KCNH8: variants seen among roughly 807,000 people sequenced by gnomAD.
KCNH8 encodes the protein potassium voltage-gated channel subfamily H member 8.
A neutral mutation model predicts 103.6 loss-of-function variants in KCNH8; 70 were observed. The ratio of observed to expected loss-of-function variants is 0.68; its 90% confidence interval spans 0.56 to 0.82. KCNH8 has a LOEUF of 0.82. KCNH8 is among the 40% of genes least tolerant of loss of function. KCNH8 has a pLI of 0.00. For synonymous variants in KCNH8, 498 were observed against 489.4 expected, an observed-to-expected ratio of 1.02 and a Z score of -0.23; for missense variants, 1,217 against 1,329.9, an observed-to-expected ratio of 0.92 and a Z score of 1.32.
chr3:19,507,592 T>C (rs1338687209), intron 11 of KCNH8, among the ~76,000 whole-genome samples: 1 of 152,102 alleles, frequency 6.6e-6, no homozygotes, highest in Non-Finnish European at 1.5e-5. Context: ...GAGTTCCTGC[T>C]CAGAGAACTG....
intron 15 of KCNH8, among the ~76,000 whole-genome samples, chr3:19,526,167 G>C (rs904110999): frequency 1.3e-5 from 2 of 151,800 alleles, no homozygotes; most frequent in South Asian, 2.1e-4. Flanking sequence ...GTACCCCTTA[G>C]GAAAATTGTG....
chr3:19,349,635 C>A (rs2065773030), intron 5 of KCNH8, among the ~76,000 whole-genome samples: 1 of 152,036 alleles, frequency 6.6e-6, no homozygotes. Flanking sequence ...CATTCTTTGG[C>A]CTTAGAAGCC....
At chr3:19,226,600 C>T (rs2063934666) in intron 1 of KCNH8, among the ~76,000 whole-genome samples, 2 of 150,022 alleles carry the variant, frequency 1.3e-5, no homozygotes, top group Admixed American at 1.3e-4. Flanking sequence ...CTCTCTCTCT[C>T]TGTCACACAC....
intron 5 of KCNH8, among the ~76,000 whole-genome samples, chr3:19,362,071 A>G (rs1015143612): frequency 2.6e-5 from 4 of 152,158 alleles, no homozygotes; most frequent in Non-Finnish European, 4.4e-5. Flanking sequence ...CTCACTGTTC[A>G]ATCAATAATG....
chr3:19,313,036 C>CA (rs1553636280), intron 3 of KCNH8, among the ~76,000 whole-genome samples: 2 of 116,016 alleles, frequency 1.7e-5, no homozygotes, highest in East Asian at 2.2e-4. Flanking sequence ...TTGGCTTTCA[C>CA]GGGATGTCTT....
intron 11 of KCNH8, among the ~76,000 whole-genome samples, chr3:19,474,224 C>A (rs1312268790): frequency 6.6e-6 from 1 of 152,072 alleles, no homozygotes; most frequent in African/African-American, 2.4e-5. Context: ...TGCAAAATCC[C>A]AGGATAAACA....
chr3:19,160,923 G>T (rs2063227648), intron 1 of KCNH8, among the ~76,000 whole-genome samples: 1 of 152,136 alleles, frequency 6.6e-6, no homozygotes, highest in African/African-American at 2.4e-5. Flanking sequence ...CAAGAGTGGT[G>T]ATGCTAGTGA....
intron 3 of KCNH8, among the ~76,000 whole-genome samples, chr3:19,316,433 T>G (rs191666358): frequency 6.6e-6 from 1 of 152,048 alleles, no homozygotes; most frequent in Non-Finnish European, 1.5e-5. Context: ...GATTAAGGAA[T>G]AGAAGCAGGA....
intron 2 of KCNH8, among the ~76,000 whole-genome samples, chr3:19,273,582 G>C (rs933170630): frequency 6.6e-6 from 1 of 152,168 alleles, no homozygotes; most frequent in Non-Finnish European, 1.5e-5. Context: ...ATGGTATACA[G>C]ATCACCATTT....
chr3:19,195,133 G>C (rs749178093), intron 1 of KCNH8, among the ~76,000 whole-genome samples: 2 of 151,678 alleles, frequency 1.3e-5, no homozygotes, highest in African/African-American at 2.4e-5. Flanking sequence ...AGGAACACTT[G>C]AAAAAAACCT....
Position 19,456,957 on chromosome 3 carries a change from A to T in KCNH8, c.2015A>T (p.Asn672Ile). The T allele has an allele frequency of 6.2e-7, 1 of 1,611,610 alleles. No homozygotes were observed. Among genetic ancestry groups the T allele is most frequent in the Non-Finnish European group, 8.5e-7 (1 of 1,178,404 alleles). The change falls in exon 11 of 16, where the codon AAC becomes ATC. Residue 672 changes from asparagine (N) to isoleucine (I), a missense_variant. This residue lies in a region of KCNH8 where 415 missense variants were observed against 577.4 expected (regional missense o/e 0.72). Transcript: ENST00000328405. ...VEDIQHDLTY[N>I]LREGHESDVI... ...GACATTCAGCATGACCTCACATACA[A>T]CCTCCGAGAAGGTCATGAGAGTGAT... is the stretch of plus-strand genomic sequence containing the variant.
chr3:19,244,205 C>T (rs1388185006), intron 1 of KCNH8, among the ~76,000 whole-genome samples: 1 of 152,164 alleles, frequency 6.6e-6, no homozygotes, highest in African/African-American at 2.4e-5. Flanking sequence ...TTCACCTTTC[C>T]TTTTCCTCTG....
At chr3:19,421,418 T>C (rs2066949537) in intron 7 of KCNH8, among the ~76,000 whole-genome samples, 1 of 152,164 alleles carries the variant, frequency 6.6e-6, no homozygotes, top group Admixed American at 6.5e-5. Context: ...ATTAGAATGA[T>C]AGCAACCTGT....
chr3:19,488,598 T>G (rs140664552), intron 11 of KCNH8, among the ~76,000 whole-genome samples: 1 of 152,204 alleles, frequency 6.6e-6, no homozygotes, highest in East Asian at 1.9e-4. Context: ...CTCTCCCCTT[T>G]TTCTTGGATG....
intron 1 of KCNH8, among the ~76,000 whole-genome samples, chr3:19,153,169 C>A (rs1278131634): frequency 6.6e-6 from 1 of 152,092 alleles, no homozygotes; most frequent in South Asian, 2.1e-4. Flanking sequence ...CTGATAACTT[C>A]ACTACAATGA....
intron 11 of KCNH8, among the ~76,000 whole-genome samples, chr3:19,497,682 G>A (rs988388590): frequency 6.6e-6 from 1 of 152,174 alleles, no homozygotes; most frequent in Non-Finnish European, 1.5e-5. Context: ...TTTAGAATAT[G>A]TGCCATGTGG....
intron 1 of KCNH8, among the ~76,000 whole-genome samples, chr3:19,165,582 T>C (rs2063275392): frequency 6.6e-6 from 1 of 152,244 alleles, no homozygotes; most frequent in Non-Finnish European, 1.5e-5. Flanking sequence ...TTGGGTACTT[T>C]ATTCTAACAA....
At chr3:19,213,391 T>G (rs1011902907) in intron 1 of KCNH8, among the ~76,000 whole-genome samples, 1 of 152,180 alleles carries the variant, frequency 6.6e-6, no homozygotes, top group Non-Finnish European at 1.5e-5. Context: ...AATTTGTATC[T>G]CTGGAACAGC....
chr3:19,533,768 A>G lies in KCNH8; in HGVS notation c.2993A>G (p.Tyr998Cys). ...SPSLDYSPSH[Y>C]QVVQEGHLQF... The stretch of plus-strand genomic sequence containing the variant: ...AGCCTTGATTATTCACCTTCCCACT[A>G]CCAGGTTGTCCAAGAAGGTCATTTG... Residue 998 changes from tyrosine (Y) to cysteine (C), a missense_variant, in exon 16 of 16, where the codon TAC becomes TGC. Transcript: ENST00000328405. The G allele has an allele frequency of 6.2e-7, 1 of 1,614,082 alleles. No individual in the cohort carries two copies. The highest frequency in any genetic ancestry group is 1.7e-5 in the Admixed American group (1 of 60,020).
Sources: gnomAD v4.1 joint callset for allele counts (sites outside exome capture counted in the v4.1 genomes callset) on GRCh38, gnomAD v4.1.1 for gene constraint, gnomAD v4.1.1 regional missense constraint, MANE v1.5 for transcripts, NCBI Gene and HGNC (gene_info 2026-07-23, HGNC 2026-07-21) for gene names.